Variants in MAP2K4 observed in about 807,000 individuals in gnomAD.
MAP2K4 encodes the protein mitogen-activated protein kinase kinase 4, also known as dual specificity mitogen-activated protein kinase kinase 4.
MAP2K4 carries 4 observed loss-of-function variants against 48.5 expected under a neutral mutation model. The observed-to-expected ratio is 0.08, with a 90% CI of 0.04 to 0.19. The LOEUF (loss-of-function observed/expected upper bound fraction) is 0.19, where lower values mean the gene tolerates loss of function less well. Ranked by LOEUF, MAP2K4 falls within the 10% of genes least tolerant of loss-of-function variation. The pLI is 1.00. For missense variants in MAP2K4, 258 were observed against 493.3 expected (o/e 0.52, Z 4.52); for synonymous variants, 166 against 173.1 (o/e 0.96, Z 0.32).
chr17:12,027,473 A>G (rs1969290035), intron 1 of MAP2K4, among the ~76,000 whole-genome samples: 1 of 152,122 alleles, frequency 6.6e-6, no homozygotes, highest in Non-Finnish European at 1.5e-5. Flanking sequence ...CCAGACATAT[A>G]TATCTGAACA....
In MAP2K4 at chr17:12,123,292, T is replaced by TA. The variant is rs773355196; in HGVS notation, c.814-1999dup. Among the ~76,000 whole-genome samples the TA allele has an allele frequency of 4.8e-4, 73 of 152,254 alleles. 1 individual carries two copies. Among genetic ancestry groups the TA allele is most frequent in the Non-Finnish European group, 3.7e-4 (25 of 68,042 alleles). On this transcript the variant is annotated intron_variant, in intron 7 of 10. Coordinates refer to ENST00000353533, the MANE Select transcript of MAP2K4 (RefSeq NM_003010.4). ...ATAACATTCATTAAGTAACATAGTT[T>TA]AAAGGTTATTCACACTTTGATATTC...
intron 2 of MAP2K4, among the ~76,000 whole-genome samples, chr17:12,074,298 G>T (rs1462021922): frequency 6.6e-6 from 1 of 152,006 alleles, no homozygotes; most frequent in African/African-American, 2.4e-5. Flanking sequence ...GTATACTGTG[G>T]TAATTTTAGA....
At chr17:12,047,521 G>C (rs1403735854) in intron 1 of MAP2K4, among the ~76,000 whole-genome samples, 1 of 152,198 alleles carries the variant, frequency 6.6e-6, no homozygotes, top group Non-Finnish European at 1.5e-5. Context: ...GATTGGCACT[G>C]CTAGTCTATA....
At chr17:12,056,553 G>A (rs921455437) in intron 2 of MAP2K4, among the ~76,000 whole-genome samples, 3 of 151,984 alleles carry the variant, frequency 2.0e-5, no homozygotes, top group African/African-American at 7.2e-5. Flanking sequence ...ATGGTAATAG[G>A]TAGTTTTACC....
At chr17:12,129,312 C>T (rs750928168) in intron 9 of MAP2K4, 25 bp downstream of exon 9, 54 of 1,613,916 alleles carry the variant, frequency 3.3e-5, no homozygotes, top group East Asian at 4.5e-5. Context: ...TATGAATGGT[C>T]GAACACGCAT....
Position 12,099,287 on chromosome 17 carries a change from T to C in MAP2K4, c.513+3593T>C, listed in dbSNP as rs1043269197. Among the ~76,000 whole-genome samples, 14 of 152,308 alleles carry C rather than the reference T, an allele frequency of 9.2e-5. 1 individual carries two copies. The highest frequency in any genetic ancestry group is 3.4e-4 in the African/African-American group (14 of 41,578). ...CTATTGTGTATATATGTCACATTTT[T>C]AAAAATGTGGACATTTAGGTTGATT... On this transcript the variant is annotated intron_variant, in intron 4 of 10. Transcript: ENST00000353533.
chr17:12,138,038 T>C (rs993248674), intron 9 of MAP2K4, among the ~76,000 whole-genome samples: 1 of 152,120 alleles, frequency 6.6e-6, no homozygotes, highest in African/African-American at 2.4e-5. Context: ...GCAGATTTGT[T>C]CCCAGCCACA....
chr17:12,115,264 T>C lies in MAP2K4; in HGVS notation c.813+1904T>C, dbSNP rs199940242. Among the ~76,000 whole-genome samples the C allele has an allele frequency of 1.4e-4, 21 of 152,354 alleles. No individual in the cohort carries two copies. The East Asian group carries it at 3.1e-3, about 22-fold the overall frequency. The stretch of plus-strand genomic sequence containing the variant: ...ACCCTCATGTAGGTACACAGTCTTA[T>C]GTTGCTTAACCGTGGGAATATGTTC... On this transcript the variant is annotated intron_variant, in intron 7 of 10. Transcript: ENST00000353533.
intron 1 of MAP2K4, among the ~76,000 whole-genome samples, chr17:12,040,440 A>G (rs559762884): frequency 2.6e-5 from 4 of 152,352 alleles, no homozygotes; most frequent in African/African-American, 9.6e-5. Context: ...TAGAATAAAA[A>G]CTGGATACTT....
chr17:12,057,948 T>TA (rs1970331529), intron 2 of MAP2K4, among the ~76,000 whole-genome samples: 1 of 152,138 alleles, frequency 6.6e-6, no homozygotes, highest in African/African-American at 2.4e-5. Context: ...AGTTTTTTTT[T>TA]ACATCTTATA....
chr17:12,120,922 T>G (rs1428275900), intron 7 of MAP2K4, among the ~76,000 whole-genome samples: 1 of 152,252 alleles, frequency 6.6e-6, no homozygotes, highest in Non-Finnish European at 1.5e-5. Flanking sequence ...ATTCTGGCGA[T>G]GCTACTGTGC....
Position 12,125,362 on chromosome 17 carries a change from G to C in MAP2K4, c.882G>C (p.Gly294=), listed in dbSNP as rs778836717. The C allele has an allele frequency of 6.2e-7, 1 of 1,613,804 alleles. No individual in the cohort carries two copies. Among genetic ancestry groups the C allele is most frequent in the Non-Finnish European group, 8.5e-7 (1 of 1,179,702 alleles). Residue 294 remains glycine (G), a synonymous_variant, in exon 8 of 11, where the codon GGG becomes GGC. Transcript: ENST00000353533. ...YDVRSDVWSL[G]ITLYELATGR... ...TCCGCTCTGATGTCTGGAGTTTGGG[G>C]ATCACATTGGTATGTTTATGCTGAT...
intron 1 of MAP2K4, among the ~76,000 whole-genome samples, chr17:12,037,507 G>A (rs2151513953): frequency 6.6e-6 from 1 of 152,226 alleles, no homozygotes; most frequent in African/African-American, 2.4e-5. Flanking sequence ...TGTAGCAAAA[G>A]TCTGCAGCCA....
intron 8 of MAP2K4, among the ~76,000 whole-genome samples, chr17:12,127,046 A>G (rs1014309141): frequency 6.6e-6 from 1 of 152,140 alleles, no homozygotes; most frequent in Non-Finnish European, 1.5e-5. Flanking sequence ...GTTCATTGGT[A>G]TTACATGTTT....
intron 3 of MAP2K4, among the ~76,000 whole-genome samples, chr17:12,093,025 TA>T (rs556910118): frequency 6.7e-6 from 1 of 149,544 alleles, no homozygotes. Flanking sequence ...GACTCCGTCT[TA>T]AAAAAAAAAG....
At chr17:12,031,699 C>T (rs1277716313) in intron 1 of MAP2K4, among the ~76,000 whole-genome samples, 1 of 152,176 alleles carries the variant, frequency 6.6e-6, no homozygotes, top group East Asian at 1.9e-4. Context: ...TTCCTAGGGA[C>T]ACTATCTTAT....
intron 9 of MAP2K4, among the ~76,000 whole-genome samples, chr17:12,133,221 A>G (rs1973089719): frequency 6.6e-6 from 1 of 152,126 alleles, no homozygotes; most frequent in African/African-American, 2.4e-5. Context: ...AGCTGGGACT[A>G]CAGGCTCATG....
Position 12,127,371 on chromosome 17 carries a change from A to G in MAP2K4, c.892-1768A>G, listed in dbSNP as rs559367364. On this transcript the variant is annotated intron_variant, in intron 8 of 10. Transcript: ENST00000353533. ...CCTAGAGCTTCCAGCTGAGGCAACTATTTGCATACACAGGATATTTACAAT... is the reference window on the plus strand; with the variant it reads ...CCTAGAGCTTCCAGCTGAGGCAACTGTTTGCATACACAGGATATTTACAAT... Among the ~76,000 whole-genome samples, 4 of 152,334 alleles carry G rather than the reference A, an allele frequency of 2.6e-5. No homozygotes were observed. In the East Asian group the frequency reaches 5.8e-4, roughly 22 times the overall value.
At chr17:12,066,062 G>C (rs919138517) in intron 2 of MAP2K4, among the ~76,000 whole-genome samples, 1 of 151,876 alleles carries the variant, frequency 6.6e-6, no homozygotes, top group South Asian at 2.1e-4. Context: ...TAAGTAGCTA[G>C]AGTCCCCTAA....
Sources: allele counts gnomAD v4.1 joint callset (sites outside exome capture counted in the v4.1 genomes callset), GRCh38; gene constraint gnomAD v4.1.1; transcripts MANE v1.5; gene names NCBI Gene and HGNC (gene_info 2026-07-23, HGNC 2026-07-21).